Variants in SMAP2 observed in about 807,000 individuals in gnomAD.
The protein encoded by SMAP2 is stromal membrane-associated protein 2.
In SMAP2, 25 loss-of-function variants were observed where a neutral mutation model predicts 56.4. That is an observed-to-expected ratio of 0.44 (90% confidence interval 0.32 to 0.62). The LOEUF (loss-of-function observed/expected upper bound fraction) is 0.62. Among genes scored for constraint, SMAP2 ranks in the 20% least tolerant of loss-of-function variants. SMAP2 has a pLI of 0.04. For synonymous variants in SMAP2, 157 were observed against 181.7 expected, an observed-to-expected ratio of 0.86 and a Z score of 1.09; for missense variants, 388 against 545.6, an observed-to-expected ratio of 0.71 and a Z score of 2.88.
chr1:40,345,878 ATATTG>A lies in SMAP2; in HGVS notation c.-83+978_-83+982del, dbSNP rs1553187221. 2.0e-4 allele frequency among the ~76,000 whole-genome samples: 19 copies of A among 95,082 alleles called. No homozygotes were observed. The East Asian group carries it at 5.2e-3, about 26-fold the overall frequency. The allele number at this position is 95,082 out of a possible 152,430, so 62.4% of individuals were successfully genotyped here. A position where few individuals can be genotyped will look rare whatever the true frequency, so the allele number is the denominator to read the frequency against. On this transcript the variant is annotated intron_variant, in intron 1 of 6. Coordinates refer to the SMAP2 transcript ENST00000435168. ...ATATTATATTATATTATATTGTATTATATTGTATTGTATTATATTATATTATATTA... is the reference window on the plus strand; with the variant it reads ...ATATTATATTATATTATATTGTATTATATTGTATTATATTATATTATATTA...
Position 40,347,251 on chromosome 1 carries a change from GTT to G in SMAP2, c.-83+2357_-83+2358del, listed in dbSNP as rs1162670774. 2.5e-3 allele frequency among the ~76,000 whole-genome samples: 164 copies of G among 64,364 alleles called. 4 individuals are homozygous for G. Among genetic ancestry groups the G allele is most frequent in the African/African-American group, 5.6e-3 (139 of 24,752 alleles). The allele number at this position is 64,364 out of a possible 152,430, so 42.2% of individuals were successfully genotyped here. A position where few individuals can be genotyped will look rare whatever the true frequency, so the allele number is the denominator to read the frequency against. ...GTTTGTGTGTGTGTGTTTTGTTTTT[GTT>G]TTTTTTTTTTTTTTTAAAGCAAAGA... On this transcript the variant is annotated intron_variant, in intron 1 of 6. Coordinates refer to the SMAP2 transcript ENST00000435168.
chr1:40,345,942 T>G (rs1192895031), intron 1 of SMAP2, among the ~76,000 whole-genome samples: 1 of 140,460 alleles, frequency 7.1e-6, no homozygotes, highest in Admixed American at 7.5e-5. Context: ...TAGAAAGTAG[T>G]CTTCAGACCT....
rs1177142443 is a variant in SMAP2, at chr1:40,374,622, T to TGA, written c.103+400_103+401insAG. On this transcript the variant is annotated intron_variant, in intron 1 of 9. Transcript: ENST00000372718. This position sits in a 1 kb window ranked among gnomAD's most constrained non-coding sequence, Gnocchi z 5.9. ...GTGTGTGTGTGTGTGTGTGTGTGTG[T>TGA]GTGAGAGAGAGAGAGAGAGAATGAC... The TGA allele has an allele frequency of 1.3e-3, 1,563 of 1,182,902 alleles. 20 individuals carry two copies. The African/African-American group carries it at 0.02, about 15-fold the overall frequency. 73.3% of individuals were successfully genotyped at this position (1,182,902 alleles called of 1,614,324 possible).
chr1:40,353,126 C>T (rs1331530651), intron 1 of SMAP2, among the ~76,000 whole-genome samples: 1 of 152,218 alleles, frequency 6.6e-6, no homozygotes, highest in Admixed American at 6.5e-5. Flanking sequence ...CAGTTAGAGG[C>T]TGAGCCATGC....
chr1:40,417,166 T>C, intron 9 of SMAP2, 70 bp downstream of exon 9: 1 of 1,103,080 alleles, frequency 9.1e-7, no homozygotes, highest in Non-Finnish European at 1.3e-6. Context: ...TTTGTACCTC[T>C]CCACTATCCT....
At chr1:40,399,269 C>G (rs947359289) in intron 1 of SMAP2, among the ~76,000 whole-genome samples, 1 of 150,434 alleles carries the variant, frequency 6.6e-6, no homozygotes, top group African/African-American at 2.5e-5. Context: ...CTTAGCCTCC[C>G]AAGTAGCTGG....
intron 1 of SMAP2, among the ~76,000 whole-genome samples, chr1:40,351,001 C>G (rs547291153): frequency 6.6e-6 from 1 of 152,210 alleles, no homozygotes; most frequent in Admixed American, 6.5e-5. Context: ...AAGTCAGGAG[C>G]AGATCCAAAC....
chr1:40,395,312 C>T (rs1047434705), intron 1 of SMAP2, among the ~76,000 whole-genome samples: 1 of 152,100 alleles, frequency 6.6e-6, no homozygotes, highest in African/African-American at 2.4e-5. Context: ...AGAAACATCA[C>T]CTAAGTATAC....
At chr1:40,358,475 C>T (rs529644191) in intron 1 of SMAP2, among the ~76,000 whole-genome samples, 10 of 152,094 alleles carry the variant, frequency 6.6e-5, no homozygotes, top group South Asian at 4.2e-4. Flanking sequence ...ACCCAGGGGG[C>T]GGAGGTTACA....
At chr1:40,411,381 C>T (rs1266210840) in intron 4 of SMAP2, among the ~76,000 whole-genome samples, 1 of 152,172 alleles carries the variant, frequency 6.6e-6, no homozygotes, top group Non-Finnish European at 1.5e-5. Context: ...AAGATATGAA[C>T]TCAGATGAGG....
chr1:40,421,344 T>C (rs1645039386), intron 9 of SMAP2, among the ~76,000 whole-genome samples: 1 of 152,120 alleles, frequency 6.6e-6, no homozygotes, highest in Admixed American at 6.5e-5. Flanking sequence ...GGCCAGTCTT[T>C]CCATCAGATT....
intron 7 of SMAP2, 29 bp from the exon 8 acceptor site, chr1:40,416,147 A>G (rs763035489): frequency 1.2e-6 from 2 of 1,602,362 alleles, no homozygotes; most frequent in African/African-American, 1.3e-5. Flanking sequence ...GAACCATTTC[A>G]ATTCTCCCCC....
At chr1:40,357,603 C>T (rs759035540) in intron 1 of SMAP2, among the ~76,000 whole-genome samples, 7 of 152,050 alleles carry the variant, frequency 4.6e-5, no homozygotes, top group Non-Finnish European at 7.4e-5. Flanking sequence ...GTTTGATTTT[C>T]GTATATGGTG....
intron 1 of SMAP2, among the ~76,000 whole-genome samples, chr1:40,360,100 A>G (rs1569822488): frequency 7.5e-6 from 1 of 132,714 alleles, no homozygotes; most frequent in Non-Finnish European, 1.5e-5. Context: ...TCCGCCTCCC[A>G]GGTTCATGCC....
intron 1 of SMAP2, among the ~76,000 whole-genome samples, chr1:40,346,888 C>T (rs923016909): frequency 1.3e-5 from 2 of 151,842 alleles, no homozygotes; most frequent in African/African-American, 4.8e-5. Flanking sequence ...CAAACTCTTG[C>T]TGTGTTGCCC....
Position 40,409,786 on chromosome 1 carries a change from A to G in SMAP2, c.353A>G (p.Tyr118Cys), listed in dbSNP as rs773600514. The G allele has an allele frequency of 1.9e-6, 3 of 1,613,610 alleles. No individual in the cohort carries two copies. Residue 118 changes from tyrosine to cysteine, a missense_variant, in exon 4 of 10, where the codon TAT becomes TGT. Coordinates refer to ENST00000372718, the MANE Select transcript of SMAP2 (RefSeq NM_022733.3). ...GTTGAAGGATTTATTCGAGACAAAT[A>G]TGAGAAGAAGAAATACATGGACCGA... is the stretch of plus-strand genomic sequence containing the variant. ...PAVEGFIRDK[Y>C]EKKKYMDRSL...
intron 4 of SMAP2, among the ~76,000 whole-genome samples, chr1:40,410,434 T>C (rs1449156919): frequency 6.6e-6 from 1 of 151,720 alleles, no homozygotes. Context: ...TAAAACAGTA[T>C]ATGTGTATAT....
At chr1:40,409,733 T>G in intron 3 of SMAP2, 24 bp from the exon 4 acceptor site, 1 of 1,515,348 alleles carries the variant, frequency 6.6e-7, no homozygotes. Context: ...CTTGTTGGAT[T>G]CATCCTTAAT....
rs1557827594 is a variant in SMAP2 at position 40,374,606 on chromosome 1, TGTGTGTG to T, written c.103+384_103+390del. The T allele has an allele frequency of 7.6e-7, 1 of 1,316,232 alleles. No homozygotes were observed. The highest frequency in any genetic ancestry group is 1.5e-5 in the African/African-American group (1 of 65,602). 81.5% of individuals were successfully genotyped at this position (1,316,232 alleles called of 1,614,324 possible). ...GTGCGTGCGTGCGTGCGTGTGTGTGTGTGTGTGTGTGTGTGTGTGAGAGAGAGAGAGA... is the reference window on the plus strand; with the variant it reads ...GTGCGTGCGTGCGTGCGTGTGTGTGTTGTGTGTGTGTGAGAGAGAGAGAGA... On this transcript the variant is annotated intron_variant, in intron 1 of 9. Coordinates refer to ENST00000372718, the MANE Select transcript of SMAP2 (RefSeq NM_022733.3). The surrounding 1 kb of genome is among the most constrained non-coding windows in gnomAD (Gnocchi z 5.9).
Sources: gnomAD v4.1 joint callset for allele counts (sites outside exome capture counted in the v4.1 genomes callset) on GRCh38, gnomAD v4.1.1 for gene constraint, Gnocchi (gnomAD v3.1) non-coding constraint, MANE v1.5 for transcripts, NCBI Gene and HGNC (gene_info 2026-07-23, HGNC 2026-07-21) for gene names.